The following DPP10 variants were observed in gnomAD, a reference collection of about 807,000 sequenced individuals.
The protein encoded by DPP10 is inactive dipeptidyl peptidase 10.
Under a neutral mutation model 120.9 loss-of-function variants are expected in DPP10, and 33 were observed. That is an observed-to-expected ratio of 0.27 (90% CI 0.21 to 0.37). The LOEUF (loss-of-function observed/expected upper bound fraction) is 0.37, where lower values mean the gene tolerates loss of function less well. Ranked by LOEUF, DPP10 falls within the 10% of genes least tolerant of loss-of-function variation. The probability of loss-of-function intolerance (pLI) is 1.00; values close to 1 mark genes in which losing one functional copy is unlikely to be tolerated. For synonymous variants in DPP10, 337 were observed against 326.1 expected (o/e 1.03, Z -0.36); for missense variants, 816 against 942.8 (o/e 0.87, Z 1.76).
chr2:114,492,352 C>A (rs984572960), intron 1 of DPP10, among the ~76,000 whole-genome samples: 2 of 151,916 alleles, frequency 1.3e-5, no homozygotes, highest in Admixed American at 6.6e-5. Context: ...TTAAATGAGC[C>A]ATTAAGGTTA....
At position 115,791,424 on chromosome 2, in the gene DPP10, A is replaced by G. The variant is rs1683974864; in HGVS notation, c.1700+68A>G. 4 of 1,366,076 alleles carry G rather than the reference A, an allele frequency of 2.9e-6. No homozygotes were observed. In the African/African-American group the frequency reaches 5.9e-5, roughly 20 times the overall value. 84.6% of individuals were successfully genotyped at this position (1,366,076 alleles called of 1,614,324 possible). A position where few individuals can be genotyped will look rare whatever the true frequency, so the allele number is the denominator to read the frequency against. ...TTTATATTTTTGTGTCTCACATGAC[A>G]ACATTTGATTCAATAAAGAAGAGAA... On this transcript the variant is annotated intron_variant, in intron 19 of 25. Coordinates refer to ENST00000410059, the MANE Select transcript of DPP10 (RefSeq NM_020868.6).
Position 115,379,754 on chromosome 2 carries a change from A to C in DPP10, c.271+35842A>C, listed in dbSNP as rs377300943. Among the ~76,000 whole-genome samples the C allele has an allele frequency of 5.7e-3, 858 of 151,812 alleles. 24 individuals carry two copies. The highest frequency in any genetic ancestry group is 0.017 in the Middle Eastern group (5 of 294). On this transcript the variant is annotated intron_variant, in intron 3 of 25. Transcript: ENST00000410059. ...TCCCAGAGATTCTGGTATGTTGTGT[A>C]TTTGTTCTCGTTGGTTTCAAAGAAC...
chr2:114,769,330 C>T (rs1252207225), intron 1 of DPP10, among the ~76,000 whole-genome samples: 2 of 151,896 alleles, frequency 1.3e-5, no homozygotes, highest in African/African-American at 4.8e-5. Context: ...GTATTTGTAC[C>T]GGAAAATCTG....
intron 5 of DPP10, among the ~76,000 whole-genome samples, chr2:115,665,091 G>A (rs1472613679): frequency 1.3e-5 from 2 of 152,038 alleles, no homozygotes; most frequent in East Asian, 1.9e-4. Flanking sequence ...CAGTTCCCTG[G>A]CATCTTGCTT....
chr2:115,133,141 G>GTATATA (rs752180086), intron 1 of DPP10, among the ~76,000 whole-genome samples: 34 of 35,374 alleles, frequency 9.6e-4, no homozygotes, highest in African/African-American at 3.3e-3. Flanking sequence ...GTGTGTGTGT[G>GTATATA]TGTGTATATA....
chr2:115,115,376 T>C (rs768656648), intron 1 of DPP10, among the ~76,000 whole-genome samples: 5 of 152,164 alleles, frequency 3.3e-5, no homozygotes, highest in Non-Finnish European at 7.4e-5. Context: ...GGGTTACCTT[T>C]ATGGTTGTGT....
chr2:114,865,762 G>C (rs190491799), intron 1 of DPP10, among the ~76,000 whole-genome samples: 49 of 152,184 alleles, frequency 3.2e-4, no homozygotes, highest in African/African-American at 1.2e-3. Flanking sequence ...TACTTAACCA[G>C]GGTAAAGCCA....
chr2:114,584,038 C>A (rs1313321599), intron 1 of DPP10, among the ~76,000 whole-genome samples: 1 of 151,978 alleles, frequency 6.6e-6, no homozygotes, highest in Non-Finnish European at 1.5e-5. Flanking sequence ...TAAAAAAGAA[C>A]AAACAGAAAG....
At chr2:115,538,171 T>C (rs1389269561) in intron 5 of DPP10, among the ~76,000 whole-genome samples, 2 of 152,000 alleles carry the variant, frequency 1.3e-5, no homozygotes, top group South Asian at 4.1e-4. Context: ...GCTCTCTCCC[T>C]TGACACAGAT....
chr2:115,129,401 CTTTG>C (rs895749921), intron 1 of DPP10, among the ~76,000 whole-genome samples: 10 of 152,016 alleles, frequency 6.6e-5, no homozygotes, highest in African/African-American at 2.2e-4. Flanking sequence ...AGATTTTGGC[CTTTG>C]TTTATTTCCG....
intron 1 of DPP10, among the ~76,000 whole-genome samples, chr2:114,717,944 T>C (rs74660072): frequency 0.035 from 5,279 of 152,054 alleles, 127 homozygotes; most frequent in Non-Finnish European, 0.053. Context: ...ACTATTGCTA[T>C]TTTTTAACAA....
chr2:115,263,327 G>T (rs989724603), intron 1 of DPP10, among the ~76,000 whole-genome samples: 4 of 152,156 alleles, frequency 2.6e-5, no homozygotes, highest in Non-Finnish European at 5.9e-5. Context: ...TTCTCCAGAA[G>T]CCCCACCCTT....
Position 115,756,860 on chromosome 2 carries a change from A to G in DPP10, c.1074+3563A>G, listed in dbSNP as rs560070975. 5.3e-4 allele frequency among the ~76,000 whole-genome samples: 80 copies of G among 152,198 alleles called. 1 individual carries two copies. Among genetic ancestry groups the G allele is most frequent in the African/African-American group, 1.9e-3 (77 of 41,526 alleles). On this transcript the variant is annotated intron_variant, in intron 11 of 25. Coordinates refer to ENST00000410059, the MANE Select transcript of DPP10 (RefSeq NM_020868.6). ...GGACTTCTTGCTGCATCATCCCATG[A>G]CAGAAGGGCAAAGAGAGGGTGAGAG...
intron 1 of DPP10, among the ~76,000 whole-genome samples, chr2:114,509,298 G>C (rs537817333): frequency 6.6e-6 from 1 of 152,166 alleles, no homozygotes; most frequent in Non-Finnish European, 1.5e-5. Context: ...AATCATAATT[G>C]TTATGAAGAT....
At chr2:114,935,863 G>GTT (rs34445525) in intron 1 of DPP10, among the ~76,000 whole-genome samples, 69 of 146,084 alleles carry the variant, frequency 4.7e-4, no homozygotes, top group East Asian at 9.9e-4. Context: ...AAAACTGAAG[G>GTT]TTTTTTTTTT....
intron 1 of DPP10, among the ~76,000 whole-genome samples, chr2:114,559,539 A>T (rs1024935379): frequency 6.6e-6 from 1 of 152,152 alleles, no homozygotes; most frequent in East Asian, 1.9e-4. Context: ...TTTTGTGGTA[A>T]TTTGTCACAT....
chr2:115,031,268 T>C (rs1559014441), intron 1 of DPP10, among the ~76,000 whole-genome samples: 2 of 152,172 alleles, frequency 1.3e-5, no homozygotes, highest in African/African-American at 2.4e-5. Flanking sequence ...AAGAGTGTGA[T>C]ATAACTTGAG....
At chr2:114,581,725 G>T (rs1455830706) in intron 1 of DPP10, among the ~76,000 whole-genome samples, 1 of 152,090 alleles carries the variant, frequency 6.6e-6, no homozygotes, top group African/African-American at 2.4e-5. Context: ...TTTTATATCT[G>T]TGTAAACTCA....
intron 1 of DPP10, among the ~76,000 whole-genome samples, chr2:114,527,460 A>G (rs1265732916): frequency 6.6e-6 from 1 of 152,080 alleles, no homozygotes; most frequent in Non-Finnish European, 1.5e-5. Context: ...TAGGCATGAA[A>G]CATGATGTAT....
Sources: allele counts gnomAD v4.1 joint callset (sites outside exome capture counted in the v4.1 genomes callset), GRCh38; gene constraint gnomAD v4.1.1; transcripts MANE v1.5; gene names NCBI Gene and HGNC (gene_info 2026-07-23, HGNC 2026-07-21).